The following YTHDF2 variants were observed in gnomAD, a reference collection of about 807,000 sequenced individuals.
The protein encoded by YTHDF2 is YTH N6-methyladenosine RNA binding protein F2.
YTHDF2 carries 2 observed loss-of-function variants against 50.4 expected under a neutral mutation model. The observed-to-expected ratio is 0.04, with a 90% CI of 0.02 to 0.12. YTHDF2 has a LOEUF of 0.12. Among genes scored for constraint, YTHDF2 ranks in the 10% least tolerant of loss-of-function variants. The pLI is 1.00. For synonymous variants in YTHDF2, 217 were observed against 255.6 expected, an observed-to-expected ratio of 0.85 and a Z score of 1.44; for missense variants, 483 against 722.6, an observed-to-expected ratio of 0.67 and a Z score of 3.80.
At chr1:28,751,041 T>C (rs1474814669) in intron 4 of YTHDF2, among the ~76,000 whole-genome samples, 2 of 134,630 alleles carry the variant, frequency 1.5e-5, no homozygotes, top group East Asian at 4.2e-4. Context: ...TGCTGTGAGC[T>C]GAGATTGTGC....
chr1:28,752,584 A>G (rs71642246), intron 4 of YTHDF2, among the ~76,000 whole-genome samples: 1 of 151,538 alleles, frequency 6.6e-6, no homozygotes, highest in African/African-American at 2.4e-5. Flanking sequence ...GTGAGCCACC[A>G]TGCCTGGCCC....
intron 4 of YTHDF2, among the ~76,000 whole-genome samples, chr1:28,744,874 G>T (rs931563058): frequency 1.3e-5 from 2 of 152,048 alleles, no homozygotes; most frequent in Non-Finnish European, 2.9e-5. Context: ...TTGCCATGTT[G>T]CCCAGGCTGG....
chr1:28,736,993 C>A lies in YTHDF2; in HGVS notation c.-128C>A. 8.3e-7 allele frequency: 1 copy of A among 1,203,656 alleles called. No homozygotes were observed. Among genetic ancestry groups the A allele is most frequent in the Non-Finnish European group, 1.2e-6 (1 of 862,804 alleles). The allele number at this position is 1,203,656 out of a possible 1,614,324, so 74.6% of individuals were successfully genotyped here. On this transcript the variant is annotated 5_prime_UTR_variant, in exon 1 of 5. Coordinates refer to ENST00000373812, the MANE Select transcript of YTHDF2 (RefSeq NM_016258.3). ...TGAGCCGCGCGCTGTGTCTCCGCTG[C>A]GTCCGCCGAGGCCCCCGAGTGTCAG...
chr1:28,744,733 A>G (rs2087832504), intron 4 of YTHDF2, among the ~76,000 whole-genome samples: 1 of 151,924 alleles, frequency 6.6e-6, no homozygotes, highest in Non-Finnish European at 1.5e-5. Context: ...CAGTGGCATG[A>G]TGTCCGCCCA....
At chr1:28,765,200 G>C (rs2088198515) in intron 4 of YTHDF2, among the ~76,000 whole-genome samples, 1 of 151,672 alleles carries the variant, frequency 6.6e-6, no homozygotes, top group African/African-American at 2.4e-5. Context: ...ACGGGGTTTT[G>C]CCACCTTGCC....
intron 4 of YTHDF2, among the ~76,000 whole-genome samples, chr1:28,754,098 CACTT>C (rs1445771045): frequency 9.8e-5 from 15 of 152,316 alleles, no homozygotes; most frequent in Middle Eastern, 3.4e-3. Flanking sequence ...AAGGATGAAA[CACTT>C]ACTGAGCATT....
intron 4 of YTHDF2, among the ~76,000 whole-genome samples, chr1:28,751,436 A>G (rs1347512623): frequency 6.6e-6 from 1 of 152,222 alleles, no homozygotes; most frequent in East Asian, 1.9e-4. Flanking sequence ...GTTTTAAACC[A>G]GGATGACAAA....
At chr1:28,739,136 A>C (rs2087739440) in intron 3 of YTHDF2, 1 of 152,150 alleles carries the variant, frequency 6.6e-6, no homozygotes, top group Non-Finnish European at 1.5e-5. Flanking sequence ...AGCTGCAGTG[A>C]GCTATCTACG....
chr1:28,746,255 A>G (rs1052059223), intron 4 of YTHDF2, among the ~76,000 whole-genome samples: 2 of 152,106 alleles, frequency 1.3e-5, no homozygotes, highest in East Asian at 1.9e-4. Flanking sequence ...AATGTGTACT[A>G]TCTTATTAAT....
intron 4 of YTHDF2, among the ~76,000 whole-genome samples, chr1:28,768,203 G>GA (rs1249079504): frequency 1.3e-4 from 19 of 151,234 alleles, no homozygotes; most frequent in African/African-American, 3.6e-4. Flanking sequence ...GTCTCAAAAA[G>GA]AAAAAAAAAT....
intron 4 of YTHDF2, among the ~76,000 whole-genome samples, chr1:28,753,475 G>A (rs367586709): frequency 2.7e-5 from 4 of 150,338 alleles, no homozygotes; most frequent in African/African-American, 9.8e-5. Context: ...TTGAGCCCGG[G>A]ACGTCAAGTC....
intron 3 of YTHDF2, among the ~76,000 whole-genome samples, chr1:28,740,939 C>T (rs530236105): frequency 2.6e-4 from 39 of 152,038 alleles, no homozygotes; most frequent in South Asian, 6.2e-4. Context: ...CTCCTGACCT[C>T]GTGATCCTCC....
chr1:28,737,511 T>A, intron 1 of YTHDF2, 147 bp from the exon 2 acceptor site: 1 of 1,119,634 alleles, frequency 8.9e-7, no homozygotes, highest in Non-Finnish European at 1.3e-6. Flanking sequence ...CGCCTCCCAT[T>A]TTCAGCCTCT....
intron 4 of YTHDF2, among the ~76,000 whole-genome samples, chr1:28,766,712 G>A (rs1334141334): frequency 6.6e-6 from 1 of 151,980 alleles, no homozygotes; most frequent in African/African-American, 2.4e-5. Context: ...TATGATAGGT[G>A]TTTACTTACC....
At chr1:28,757,733 A>G (rs371379082) in intron 4 of YTHDF2, among the ~76,000 whole-genome samples, 20 of 149,238 alleles carry the variant, frequency 1.3e-4, no homozygotes, top group African/African-American at 5.1e-4. Context: ...AAGCGTAGAA[A>G]ACAAAAGAAA....
intron 4 of YTHDF2, among the ~76,000 whole-genome samples, chr1:28,767,992 G>A (rs1483267014): frequency 1.3e-5 from 2 of 150,696 alleles, no homozygotes; most frequent in Non-Finnish European, 3.0e-5. Context: ...CACAAGGTCA[G>A]GAGTTCGAGA....
At chr1:28,747,869 T>A (rs947321212) in intron 4 of YTHDF2, among the ~76,000 whole-genome samples, 1 of 151,198 alleles carries the variant, frequency 6.6e-6, no homozygotes, top group Non-Finnish European at 1.5e-5. Flanking sequence ...CTCACGCCTG[T>A]AAGCACAGCA....
intron 4 of YTHDF2, among the ~76,000 whole-genome samples, chr1:28,760,334 G>A (rs990524550): frequency 2.7e-5 from 4 of 149,994 alleles, no homozygotes; most frequent in Admixed American, 1.3e-4. Context: ...TTGCTGTGTC[G>A]CCCAGGCTGG....
chr1:28,736,965 G>T lies in YTHDF2; in HGVS notation c.-156G>T, dbSNP rs1177235809. On this transcript the variant is annotated 5_prime_UTR_variant, in exon 1 of 5. Coordinates refer to ENST00000373812, the MANE Select transcript of YTHDF2 (RefSeq NM_016258.3). Reference sequence around the variant, plus strand: ...AGAGCGTCGCCGAGTCGGAGCCGGAGCCTGAGCCGCGCGCTGTGTCTCCGC... The same window carrying T: ...AGAGCGTCGCCGAGTCGGAGCCGGATCCTGAGCCGCGCGCTGTGTCTCCGC... 2.2e-6 allele frequency: 2 copies of T among 911,020 alleles called. No homozygotes were observed. The highest frequency in any genetic ancestry group is 3.2e-5 in the South Asian group (2 of 61,904). The allele number at this position is 911,020 out of a possible 1,614,324, so 56.4% of individuals were successfully genotyped here.
Sources: allele counts gnomAD v4.1 joint callset (sites outside exome capture counted in the v4.1 genomes callset), GRCh38; gene constraint gnomAD v4.1.1; transcripts MANE v1.5; gene names NCBI Gene and HGNC (gene_info 2026-07-23, HGNC 2026-07-21).